The following PARPBP variants were observed in gnomAD, a reference collection of about 807,000 sequenced individuals.
The protein encoded by PARPBP is PCNA-interacting partner.
In PARPBP, 52 loss-of-function variants were observed where a neutral mutation model predicts 50.0. The observed-to-expected ratio is 1.04, with a 90% confidence interval of 0.83 to 1.31. The LOEUF is 1.31. PARPBP is among the 50% of genes most tolerant of loss of function. The pLI is 0.00. For synonymous variants in PARPBP, 244 were observed against 232.1 expected (o/e 1.05, Z -0.47); for missense variants, 697 against 672.0 (o/e 1.04, Z -0.41).
intron 8 of PARPBP, among the ~76,000 whole-genome samples, chr12:102,180,659 C>T (rs1171267373): frequency 1.3e-5 from 2 of 152,118 alleles, no homozygotes; most frequent in South Asian, 2.1e-4. Context: ...TGCTTGAGGC[C>T]GCAGTGAGCT....
intron 2 of PARPBP, among the ~76,000 whole-genome samples, chr12:102,138,748 T>C (rs1226924358): frequency 3.3e-5 from 5 of 152,176 alleles, no homozygotes; most frequent in African/African-American, 7.2e-5. Context: ...ATAGGGAATC[T>C]TTTCCCGATT....
chr12:102,153,224 G>A (rs925386984), intron 3 of PARPBP, among the ~76,000 whole-genome samples: 3 of 152,158 alleles, frequency 2.0e-5, no homozygotes, highest in Non-Finnish European at 2.9e-5. Context: ...CCAATCAGCA[G>A]CAAGCCTAGC....
intron 1 of PARPBP, among the ~76,000 whole-genome samples, chr12:102,123,107 A>G (rs1881411876): frequency 6.6e-6 from 1 of 152,212 alleles, no homozygotes; most frequent in Admixed American, 6.5e-5. Flanking sequence ...AGGGAAGCTT[A>G]TTAGAGACTT....
intron 8 of PARPBP, among the ~76,000 whole-genome samples, chr12:102,180,813 A>G (rs976178026): frequency 3.3e-5 from 5 of 152,220 alleles, no homozygotes; most frequent in African/African-American, 1.2e-4. Context: ...GTGCAGACAA[A>G]CACTGGTCTG....
At chr12:102,160,983 T>C (rs1887522968) in intron 4 of PARPBP, among the ~76,000 whole-genome samples, 1 of 151,756 alleles carries the variant, frequency 6.6e-6, no homozygotes, top group Non-Finnish European at 1.5e-5. Flanking sequence ...CAGAAAACTA[T>C]ATTATACATT....
In PARPBP at chr12:102,196,973, T is replaced by C. The variant is rs1480784488; in HGVS notation, c.*682T>C. On this transcript the variant is annotated 3_prime_UTR_variant, in exon 11 of 11. Transcript: ENST00000327680. ...ATTGAATTTTGAAAAGACTACTCAC[T>C]GTCAAAATCTCTCCTTCCTATAGGA... The C allele has an allele frequency of 6.2e-7, 1 of 1,607,490 alleles. No individual in the cohort carries two copies.
intron 4 of PARPBP, among the ~76,000 whole-genome samples, chr12:102,161,788 G>A (rs989649787): frequency 1.3e-5 from 2 of 152,152 alleles, no homozygotes; most frequent in African/African-American, 4.8e-5. Flanking sequence ...AGTATGCAGA[G>A]AATTATAATA....
rs528615110 is a variant in PARPBP at position 102,144,665 on chromosome 12, A to G, written c.154-3565A>G. 1.0e-3 allele frequency among the ~76,000 whole-genome samples: 154 copies of G among 152,328 alleles called. 1 individual carries two copies. The highest frequency in any genetic ancestry group is 3.4e-3 in the Middle Eastern group (1 of 294). On this transcript the variant is annotated intron_variant, in intron 2 of 10. Coordinates refer to ENST00000327680, the MANE Select transcript of PARPBP (RefSeq NM_017915.5). ...GGGTAAGAATAAGTTGTGCATTTAC[A>G]TTACACAAAATCTTATTTTAAACAT... is the stretch of plus-strand genomic sequence containing the variant.
In PARPBP at chr12:102,197,362, A is replaced by G; in HGVS notation, c.*1071A>G. 1.2e-6 allele frequency: 1 copy of G among 805,136 alleles called. No homozygotes were observed. Among genetic ancestry groups the G allele is most frequent in the South Asian group, 1.8e-5 (1 of 55,228 alleles). 49.9% of individuals were successfully genotyped at this position (805,136 alleles called of 1,614,324 possible). ...AAGAGGTGTTTGCTGGGATGGAAGA[A>G]CTACCTGGCATGTAAGAAATATCGT... On this transcript the variant is annotated 3_prime_UTR_variant, in exon 11 of 11. Coordinates refer to ENST00000327680, the MANE Select transcript of PARPBP (RefSeq NM_017915.5).
intron 2 of PARPBP, among the ~76,000 whole-genome samples, chr12:102,145,410 G>A (rs1007953164): frequency 1.3e-5 from 2 of 152,070 alleles, no homozygotes; most frequent in South Asian, 2.1e-4. Flanking sequence ...AGTACTCATG[G>A]TGTATTAAAA....
chr12:102,125,196 A>G (rs1002265036), intron 2 of PARPBP, among the ~76,000 whole-genome samples: 13 of 152,216 alleles, frequency 8.5e-5, no homozygotes, highest in African/African-American at 2.7e-4. Context: ...AATTGGGAAT[A>G]CAGTAATGAA....
intron 9 of PARPBP, among the ~76,000 whole-genome samples, chr12:102,191,336 C>T (rs1292670696): frequency 1.3e-5 from 2 of 152,048 alleles, no homozygotes; most frequent in Non-Finnish European, 2.9e-5. Context: ...AATGGAATTT[C>T]ACTGATGAAG....
chr12:102,152,749 C>T (rs1187223617), intron 3 of PARPBP, among the ~76,000 whole-genome samples: 1 of 150,188 alleles, frequency 6.7e-6, no homozygotes, highest in Non-Finnish European at 1.5e-5. Flanking sequence ...TCATCTGATA[C>T]TTATTAAAAA....
intron 6 of PARPBP, among the ~76,000 whole-genome samples, chr12:102,166,952 G>T (rs1660430323): frequency 6.6e-6 from 1 of 152,088 alleles, no homozygotes; most frequent in Admixed American, 6.6e-5. Context: ...TGAAATATCA[G>T]ATATTTAATT....
chr12:102,165,396 G>A (rs2139631434), intron 5 of PARPBP, among the ~76,000 whole-genome samples: 1 of 152,208 alleles, frequency 6.6e-6, no homozygotes, highest in South Asian at 2.1e-4. Flanking sequence ...ATAGCTAGTA[G>A]TCAACTATAT....
At position 102,178,609 on chromosome 12, in the gene PARPBP, A is replaced by ATT; in HGVS notation, c.1023_1024insTT (p.Asn342LeufsTer13). On this transcript the variant is annotated frameshift_variant, in exon 8 of 11. Transcript: ENST00000327680. LOFTEE classifies it high-confidence loss of function. ...TGTCTCAGCCAAAATCTCATGCCAT[A>ATT]AACCATGGTACTGCATACTGTGGCA... 1 of 1,582,352 alleles carries ATT rather than the reference A, an allele frequency of 6.3e-7. No homozygotes were observed. Among genetic ancestry groups the ATT allele is most frequent in the African/African-American group, 1.4e-5 (1 of 73,522 alleles).
At chr12:102,181,045 G>C (rs551599949) in intron 8 of PARPBP, among the ~76,000 whole-genome samples, 2 of 152,170 alleles carry the variant, frequency 1.3e-5, no homozygotes, top group South Asian at 4.2e-4. Flanking sequence ...ACTATAGGGT[G>C]GGTCTTCTCC....
chr12:102,122,617 T>C (rs1176029808), intron 1 of PARPBP, among the ~76,000 whole-genome samples: 1 of 152,212 alleles, frequency 6.6e-6, no homozygotes, highest in Non-Finnish European at 1.5e-5. Flanking sequence ...TTGGATGCCT[T>C]ATATAGTCTT....
chr12:102,129,713 A>C (rs1402103204), intron 2 of PARPBP, among the ~76,000 whole-genome samples: 2 of 152,032 alleles, frequency 1.3e-5, no homozygotes, highest in Non-Finnish European at 2.9e-5. Flanking sequence ...CATTGTAGAG[A>C]TCTTTCACCT....
Sources: gnomAD v4.1 joint callset for allele counts (sites outside exome capture counted in the v4.1 genomes callset) on GRCh38, gnomAD v4.1.1 for gene constraint, MANE v1.5 for transcripts, NCBI Gene and HGNC (gene_info 2026-07-23, HGNC 2026-07-21) for gene names.